The following EHMT1 variants were observed in gnomAD, a reference collection of about 807,000 sequenced individuals.
The protein encoded by EHMT1 is histone-lysine N-methyltransferase EHMT1.
Under a neutral mutation model 147.2 loss-of-function variants are expected in EHMT1, and 15 were observed. That is an observed-to-expected ratio of 0.10 (90% confidence interval 0.07 to 0.16). EHMT1 has a LOEUF of 0.16. Among genes scored for constraint, EHMT1 ranks in the 10% least tolerant of loss-of-function variants. The probability of loss-of-function intolerance (pLI) is 1.00; values close to 1 mark genes in which losing one functional copy is unlikely to be tolerated. For missense variants in EHMT1, 1,587 were observed against 1,772.4 expected, an observed-to-expected ratio of 0.90 and a Z score of 1.88; for synonymous variants, 795 against 709.6, an observed-to-expected ratio of 1.12 and a Z score of -1.91.
In EHMT1 at chr9:137,775,374, G is replaced by A. The variant is rs1950880495; in HGVS notation, c.1791+122G>A. 6.9e-7 allele frequency: 1 copy of A among 1,445,538 alleles called. No individual in the cohort carries two copies. The allele number at this position is 1,445,538 out of a possible 1,614,324, so 89.5% of individuals were successfully genotyped here. A position where few individuals can be genotyped will look rare whatever the true frequency, so the allele number is the denominator to read the frequency against. ...GTCCAGCAGCTGGCCCAGGTCTGGT[G>A]TCCGTCTGGAGGTCTCCAGTGTTCA... On this transcript the variant is annotated intron_variant, in intron 11 of 26. Transcript: ENST00000460843. This position sits in a 1 kb window ranked among gnomAD's most constrained non-coding sequence, Gnocchi z 6.1.
rs1246633287 is a variant in EHMT1, at chr9:137,782,616, G to A, written c.2382+219G>A. On this transcript the variant is annotated intron_variant, in intron 15 of 26. Transcript: ENST00000460843. This position sits in a 1 kb window ranked among gnomAD's most constrained non-coding sequence, Gnocchi z 5.7. ...CCACGGCCTTTGAGAAGAGCATGCC[G>A]CCATTTGGCTGTTTCTTGATTTGCT... Among the ~76,000 whole-genome samples the A allele has an allele frequency of 6.6e-6, 1 of 152,118 alleles. No homozygotes were observed. Among genetic ancestry groups the A allele is most frequent in the African/African-American group, 2.4e-5 (1 of 41,430 alleles).
chr9:137,669,363 ACAGCACGTGC>A (rs1564562569), intron 1 of EHMT1, among the ~76,000 whole-genome samples: 3 of 18,232 alleles, frequency 1.6e-4, no homozygotes, highest in African/African-American at 7.9e-4. Context: ...AGACGCTCCC[ACAGCACGTGC>A]ACTGGACTCC....
intron 10 of EHMT1, among the ~76,000 whole-genome samples, chr9:137,765,606 C>T (rs950892521): frequency 1.3e-5 from 2 of 152,086 alleles, no homozygotes; most frequent in Non-Finnish European, 2.9e-5. Flanking sequence ...CTGGTAAACA[C>T]CGCCAAGGTG....
At chr9:137,796,976 T>C (rs554415430) in intron 16 of EHMT1, among the ~76,000 whole-genome samples, 1 of 152,216 alleles carries the variant, frequency 6.6e-6, no homozygotes, top group African/African-American at 2.4e-5. Flanking sequence ...GTAGGGTCTG[T>C]GATGTGTCTG....
chr9:137,639,630 G>GT (rs1844337524), intron 1 of EHMT1, among the ~76,000 whole-genome samples: 1 of 152,084 alleles, frequency 6.6e-6, no homozygotes, highest in Non-Finnish European at 1.5e-5. Context: ...AGCCACTTCA[G>GT]TTTTTTTATG....
chr9:137,790,719 C>T, intron 15 of EHMT1, 129 bp from the exon 16 acceptor site: 1 of 1,312,370 alleles, frequency 7.6e-7, no homozygotes, highest in South Asian at 1.2e-5. Context: ...GTTTAGAAAA[C>T]TCAGACATTG....
intron 3 of EHMT1, among the ~76,000 whole-genome samples, chr9:137,726,086 T>TCG (rs1308092990): frequency 6.5e-5 from 8 of 122,540 alleles, no homozygotes; most frequent in African/African-American, 2.1e-4. Flanking sequence ...AGGTGCCTTG[T>TCG]CGTGTGTGTG....
At chr9:137,690,197 A>T (rs1942815794) in intron 1 of EHMT1, among the ~76,000 whole-genome samples, 1 of 152,090 alleles carries the variant, frequency 6.6e-6, no homozygotes, top group South Asian at 2.1e-4. Context: ...GAAGGCGGAG[A>T]CTAGATTTGC....
intron 25 of EHMT1, chr9:137,823,564 A>G (rs949214955): frequency 2.5e-5 from 6 of 238,330 alleles, no homozygotes; most frequent in Admixed American, 5.9e-5. Context: ...GGTGCCCGCC[A>G]CCACGCCCAG....
intron 1 of EHMT1, among the ~76,000 whole-genome samples, chr9:137,669,534 C>T (rs1202701790): frequency 2.6e-5 from 4 of 151,152 alleles, no homozygotes; most frequent in African/African-American, 9.7e-5. Flanking sequence ...CACTCGACTC[C>T]TCCCAAGACG....
intron 25 of EHMT1, among the ~76,000 whole-genome samples, chr9:137,822,894 C>T (rs1406710617): frequency 2.6e-5 from 3 of 116,478 alleles, no homozygotes; most frequent in African/African-American, 2.0e-4. Context: ...AACTTCATCT[C>T]GAAAAAAAAA....
intron 1 of EHMT1, among the ~76,000 whole-genome samples, chr9:137,642,156 A>G (rs528725062): frequency 3.2e-4 from 48 of 152,136 alleles, no homozygotes; most frequent in African/African-American, 1.1e-3. Context: ...TTTTTAATCT[A>G]TTCCCCCAGT....
Position 137,788,095 on chromosome 9 carries a change from G to A in EHMT1, c.2383-2753G>A, listed in dbSNP as rs1474162239. The A allele has an allele frequency of 6.0e-6, 8 of 1,330,334 alleles. No individual in the cohort carries two copies. In the South Asian group the frequency reaches 6.1e-5, roughly 10 times the overall value. 82.4% of individuals were successfully genotyped at this position (1,330,334 alleles called of 1,614,324 possible). A position where few individuals can be genotyped will look rare whatever the true frequency, so the allele number is the denominator to read the frequency against. Reference sequence around the variant, plus strand: ...CCCTCCACTCTCGTGGGGCCAGGAAGGGGGCAGAGGGGCCACAGAGGCCTC... The same window carrying A: ...CCCTCCACTCTCGTGGGGCCAGGAAAGGGGCAGAGGGGCCACAGAGGCCTC... On this transcript the variant is annotated intron_variant, in intron 15 of 26. Coordinates refer to ENST00000460843, the MANE Select transcript of EHMT1 (RefSeq NM_024757.5).
intron 18 of EHMT1, among the ~76,000 whole-genome samples, chr9:137,810,171 G>A (rs1588839763): frequency 6.7e-6 from 1 of 148,578 alleles, no homozygotes; most frequent in Admixed American, 6.7e-5. Flanking sequence ...GATGGGTCCG[G>A]AGGCGGTTCC....
chr9:137,820,303 G>A (rs1423050969), intron 25 of EHMT1, among the ~76,000 whole-genome samples: 1 of 152,240 alleles, frequency 6.6e-6, no homozygotes, highest in Non-Finnish European at 1.5e-5. Flanking sequence ...TGCATGCCGT[G>A]TGCAGAGTTG....
chr9:137,723,408 C>T (rs1368944760), intron 3 of EHMT1, among the ~76,000 whole-genome samples: 15 of 87,192 alleles, frequency 1.7e-4, no homozygotes, highest in African/African-American at 8.0e-4. Flanking sequence ...CCGGGGTGTG[C>T]CCTGTGTCTG....
chr9:137,668,589 C>G (rs1939973058), intron 1 of EHMT1, among the ~76,000 whole-genome samples: 1 of 152,152 alleles, frequency 6.6e-6, no homozygotes, highest in Admixed American at 6.6e-5. Flanking sequence ...GAAAAGAAAC[C>G]TTATACCATT....
intron 12 of EHMT1, 96 bp from the exon 13 acceptor site, chr9:137,777,786 G>C: frequency 1.3e-6 from 2 of 1,539,086 alleles, no homozygotes; most frequent in Non-Finnish European, 1.8e-6. Flanking sequence ...CAAATCCGCA[G>C]CTCTCACTTA....
chr9:137,644,282 G>A (rs1352333970), intron 1 of EHMT1, among the ~76,000 whole-genome samples: 1 of 152,000 alleles, frequency 6.6e-6, no homozygotes, highest in Non-Finnish European at 1.5e-5. Context: ...GGAAGTGTTT[G>A]GAAACTGGAA....
Sources: gnomAD v4.1 joint callset for allele counts (sites outside exome capture counted in the v4.1 genomes callset) on GRCh38, gnomAD v4.1.1 for gene constraint, Gnocchi (gnomAD v3.1) non-coding constraint, MANE v1.5 for transcripts, NCBI Gene and HGNC (gene_info 2026-07-23, HGNC 2026-07-21) for gene names.